The following KLHDC4 variants were observed in gnomAD, a reference collection of about 807,000 sequenced individuals.
The protein encoded by KLHDC4 is kelch domain containing 4, also known as kelch domain-containing protein 4.
In KLHDC4, 90 loss-of-function variants were observed where a neutral mutation model predicts 62.4. The observed-to-expected ratio is 1.44, with a 90% CI of 1.22 to 1.72. The LOEUF (loss-of-function observed/expected upper bound fraction) is 1.72, where lower values mean the gene tolerates loss of function less well. KLHDC4 is among the 40% of genes most tolerant of loss of function. The probability of loss-of-function intolerance (pLI) is 0.00; values close to 1 mark genes in which losing one functional copy is unlikely to be tolerated. For missense variants in KLHDC4, 1,025 were observed against 699.7 expected (o/e 1.47, Z -5.25); for synonymous variants, 386 against 284.4 (o/e 1.36, Z -3.59).
chr16:87,759,447 T>C (rs1009341488), intron 2 of KLHDC4, among the ~76,000 whole-genome samples: 1 of 145,846 alleles, frequency 6.9e-6, no homozygotes, highest in African/African-American at 2.5e-5. Flanking sequence ...AAAAAAAACT[T>C]TTTAAAAATA....
chr16:87,731,650 C>G (rs951660175), intron 5 of KLHDC4, among the ~76,000 whole-genome samples: 4 of 151,834 alleles, frequency 2.6e-5, no homozygotes, highest in Non-Finnish European at 5.9e-5. Context: ...AAACGTAACA[C>G]AGTGAAACAA....
chr16:87,734,254 G>C (rs2143007137), intron 5 of KLHDC4, among the ~76,000 whole-genome samples: 1 of 152,084 alleles, frequency 6.6e-6, no homozygotes, highest in Admixed American at 6.5e-5. Context: ...TGAGGCAGGA[G>C]AATTGCTTGA....
chr16:87,738,453 G>A (rs1048731310), intron 5 of KLHDC4, among the ~76,000 whole-genome samples: 9 of 152,114 alleles, frequency 5.9e-5, no homozygotes, highest in Non-Finnish European at 1.5e-5. Flanking sequence ...TGTATGCACT[G>A]TCCGTGAACT....
In KLHDC4 at chr16:87,708,450, C is replaced by G. The variant is rs77588947; in HGVS notation, c.1464G>C (p.Leu488=). 775 of 1,607,060 alleles carry G rather than the reference C, an allele frequency of 4.8e-4. 8 individuals are homozygous for G. In the East Asian group the frequency reaches 0.015, roughly 32 times the overall value. The change falls in exon 11 of 12, where the codon CTG becomes CTC. Residue 488 remains leucine (L), a synonymous_variant. Coordinates refer to ENST00000270583, the MANE Select transcript of KLHDC4 (RefSeq NM_017566.4). ...VEMDPETQEW[L]EETDSEEDSE... is the part of the protein sequence containing the mutation. The stretch of plus-strand genomic sequence containing the variant: ...TGTCCTCTTCCGAGTCCGTCTCCTC[C>G]AGCCACTCCTGAGTTTCTTCAAAAG...
chr16:87,760,013 C>T (rs981738953), intron 2 of KLHDC4, among the ~76,000 whole-genome samples: 1 of 151,978 alleles, frequency 6.6e-6, no homozygotes, highest in Non-Finnish European at 1.5e-5. Flanking sequence ...CATTTAGAAA[C>T]TGGTCATTCT....
intron 4 of KLHDC4, chr16:87,750,343 G>A (rs2043734312): frequency 6.6e-6 from 1 of 152,404 alleles, no homozygotes; most frequent in African/African-American, 2.4e-5. Flanking sequence ...ATCTCCACAG[G>A]TGAGAGCCGC....
downstream of KLHDC4, among the ~76,000 whole-genome samples, chr16:87,707,269 G>A (rs1448205480): frequency 6.6e-6 from 1 of 152,234 alleles, no homozygotes; most frequent in Non-Finnish European, 1.5e-5. Context: ...GGGACACCTG[G>A]TGGCAGCCAT....
chr16:87,750,185 G>A (rs920284032), intron 4 of KLHDC4: 3 of 152,230 alleles, frequency 2.0e-5, no homozygotes, highest in African/African-American at 7.2e-5. Flanking sequence ...AGACTGCTGG[G>A]CTACAAGCAA....
intron 7 of KLHDC4, among the ~76,000 whole-genome samples, chr16:87,725,361 T>A (rs935148837): frequency 6.6e-6 from 1 of 152,098 alleles, no homozygotes; most frequent in Non-Finnish European, 1.5e-5. Flanking sequence ...GAGACGGGGT[T>A]TCACAGTGTT....
intron 4 of KLHDC4, among the ~76,000 whole-genome samples, chr16:87,753,974 A>G (rs893909757): frequency 3.0e-4 from 45 of 150,334 alleles, no homozygotes; most frequent in South Asian, 6.3e-4. Context: ...CCATCTCAAA[A>G]AAAAAAAAAA....
At chr16:87,713,752 C>G (rs2036362379) in intron 8 of KLHDC4, among the ~76,000 whole-genome samples, 1 of 152,144 alleles carries the variant, frequency 6.6e-6, no homozygotes, top group Non-Finnish European at 1.5e-5. Context: ...CCTCTGGGTG[C>G]CAGAGCCATG....
At position 87,711,461 on chromosome 16, in the gene KLHDC4, G is replaced by A. The variant is rs746998992; in HGVS notation, c.836-18C>T. The stretch of plus-strand genomic sequence containing the variant: ...CCACTTGTCTGTCAAAAGAGAACAA[G>A]GAAGTGGGATAAGAACACAAGGAAG... On this transcript the variant is annotated intron_variant, in intron 8 of 11. Transcript: ENST00000270583. The A allele has an allele frequency of 2.5e-5, 40 of 1,596,092 alleles. No homozygotes were observed. The highest frequency in any genetic ancestry group is 3.3e-5 in the Non-Finnish European group (39 of 1,172,902).
chr16:87,763,115 A>C (rs1387275565), intron 1 of KLHDC4, among the ~76,000 whole-genome samples: 3 of 152,190 alleles, frequency 2.0e-5, no homozygotes, highest in Non-Finnish European at 4.4e-5. Flanking sequence ...AAGTTAACAG[A>C]ACTTTATCCA....
intron 4 of KLHDC4, 124 bp downstream of exon 4, chr16:87,755,058 GCAAACAGCAGAA>G: frequency 1.7e-6 from 1 of 573,420 alleles, no homozygotes; most frequent in Non-Finnish European, 3.2e-6. Flanking sequence ...ATCCAAGTGA[GCAAACAGCAGAA>G]CCAGGCGATC....
chr16:87,742,522 G>T (rs138159409), intron 5 of KLHDC4, among the ~76,000 whole-genome samples: 7 of 152,194 alleles, frequency 4.6e-5, no homozygotes, highest in African/African-American at 7.2e-5. Flanking sequence ...ACCAGTCACA[G>T]AGGCTGATGG....
In KLHDC4 at chr16:87,726,902, C is replaced by T. The variant is rs2039463141; in HGVS notation, c.622G>A (p.Val208Met). ...STRDYIYYND[V>M]YAFNLDTFTW... ...AAGGTGTCCAGATTAAAGGCATACA[C>T]GTCGTTGTAGTAGATGTAATCCCTG... is the stretch of plus-strand genomic sequence containing the variant. Residue 208 changes from valine to methionine, a missense_variant, in exon 7 of 12, where the codon GTG becomes ATG. Coordinates refer to ENST00000270583, the MANE Select transcript of KLHDC4 (RefSeq NM_017566.4). 6.2e-7 allele frequency: 1 copy of T among 1,613,978 alleles called. No homozygotes were observed. The highest frequency in any genetic ancestry group is 8.5e-7 in the Non-Finnish European group (1 of 1,179,922).
At position 87,726,847 on chromosome 16, in the gene KLHDC4, G is replaced by C; in HGVS notation, c.677C>G (p.Thr226Arg). The change falls in exon 7 of 12, where the codon ACG becomes AGG. Residue 226 changes from threonine to arginine, a missense_variant. By Grantham distance (71) the Thr-to-Arg change is moderately conservative. Transcript: ENST00000270583. ...GCAGCCTGATCTGGGTGTGGGCCCCGTCCCTGACGGGGACAGCTTGCTCCA... is the reference window on the plus strand; with the variant it reads ...GCAGCCTGATCTGGGTGTGGGCCCCCTCCCTGACGGGGACAGCTTGCTCCA... ...FTWSKLSPSGTGPTPRSGCQM... is the reference protein window; with the variant it reads ...FTWSKLSPSGRGPTPRSGCQM... 1 of 1,613,160 alleles carries C rather than the reference G, an allele frequency of 6.2e-7. No homozygotes were observed. The highest frequency in any genetic ancestry group is 8.5e-7 in the Non-Finnish European group (1 of 1,179,654).
chr16:87,711,144 A>G (rs2035729566), intron 9 of KLHDC4, 91 bp downstream of exon 9: 1 of 1,400,008 alleles, frequency 7.1e-7, no homozygotes, highest in Admixed American at 1.8e-5. Flanking sequence ...TGGGGGCCCC[A>G]ATACCAAAAG....
chr16:87,762,083 C>T (rs1328172540), intron 1 of KLHDC4, 43 bp from the exon 2 acceptor site: 3 of 1,603,898 alleles, frequency 1.9e-6, no homozygotes, highest in Non-Finnish European at 2.6e-6. Flanking sequence ...ATTCCCAGGA[C>T]CCGCCGCGGA....
Sources: allele counts gnomAD v4.1 joint callset (sites outside exome capture counted in the v4.1 genomes callset), GRCh38; gene constraint gnomAD v4.1.1; transcripts MANE v1.5; gene names NCBI Gene and HGNC (gene_info 2026-07-23, HGNC 2026-07-21).